The following CDC42BPB variants were observed in gnomAD, a reference collection of about 807,000 sequenced individuals.
CDC42BPB encodes serine/threonine-protein kinase MRCK beta.
A neutral mutation model predicts 214.9 loss-of-function variants in CDC42BPB; 37 were observed. The observed-to-expected ratio is 0.17, with a 90% CI of 0.13 to 0.23. The LOEUF is 0.23. Ranked by LOEUF, CDC42BPB falls within the 10% of genes least tolerant of loss-of-function variation. The probability of loss-of-function intolerance (pLI) is 1.00; values close to 1 mark genes in which losing one functional copy is unlikely to be tolerated. For missense variants in CDC42BPB, 1,694 were observed against 2,227.0 expected, an observed-to-expected ratio of 0.76 and a Z score of 4.82; for synonymous variants, 931 against 884.0, an observed-to-expected ratio of 1.05 and a Z score of -0.94.
At chr14:102,960,808 CTG>C (rs1892924187) in intron 20 of CDC42BPB, among the ~76,000 whole-genome samples, 1 of 152,082 alleles carries the variant, frequency 6.6e-6, no homozygotes, top group Non-Finnish European at 1.5e-5. Context: ...AAAGATAAAA[CTG>C]GATACACTCC....
intron 1 of CDC42BPB, chr14:103,041,637 C>T (rs1247182928): frequency 2.9e-6 from 2 of 688,776 alleles, no homozygotes; most frequent in East Asian, 2.8e-5. Context: ...TCCGGCCCAT[C>T]GTGTGGTGCC....
At position 102,954,474 on chromosome 14, in the gene CDC42BPB, G is replaced by A. The variant is rs1317894198; in HGVS notation, c.2988+128C>T. 15 of 1,397,950 alleles carry A rather than the reference G, an allele frequency of 1.1e-5. No homozygotes were observed. The East Asian group carries it at 3.8e-4, about 35-fold the overall frequency. The allele number at this position is 1,397,950 out of a possible 1,614,324, so 86.6% of individuals were successfully genotyped here. A position where few individuals can be genotyped will look rare whatever the true frequency, so the allele number is the denominator to read the frequency against. ...ACAGTTAATTCTCAAAATGAAAGGTGGGCTTGAGCACCTGGGCAGAGGCCC... is the reference window on the plus strand; with the variant it reads ...ACAGTTAATTCTCAAAATGAAAGGTAGGCTTGAGCACCTGGGCAGAGGCCC... On this transcript the variant is annotated intron_variant, in intron 22 of 36. Transcript: ENST00000361246.
At position 102,983,614 on chromosome 14, in the gene CDC42BPB, T is replaced by C; in HGVS notation, c.833A>G (p.Glu278Gly). 6.2e-7 allele frequency: 1 copy of C among 1,612,832 alleles called. No homozygotes were observed. The highest frequency in any genetic ancestry group is 8.5e-7 in the Non-Finnish European group (1 of 1,179,998). Reference sequence around the variant, plus strand: ...GAGTGACTCCGCATAAAACGGCGTTTCTCCATAGAGCATCTCATACATGCA... The same window carrying C: ...GAGTGACTCCGCATAAAACGGCGTTCCTCCATAGAGCATCTCATACATGCA... ...GVCMYEMLYG[E>G]TPFYAESLVE... The change falls in exon 7 of 37, where the codon GAA (glutamate) becomes GGA (glycine). Residue 278 changes from glutamate (E) to glycine (G), a missense_variant. By Grantham distance (98) the Glu-to-Gly change is moderately conservative. Around this residue, in one of 7 missense-constraint regions of CDC42BPB, gnomAD observed 225 missense variants for 459.3 expected, o/e 0.49. Coordinates refer to ENST00000361246, the MANE Select transcript of CDC42BPB (RefSeq NM_006035.4).
At chr14:102,934,067 A>T in intron 36 of CDC42BPB, 1 of 1,296,654 alleles carries the variant, frequency 7.7e-7, no homozygotes, top group Non-Finnish European at 9.8e-7. Flanking sequence ...ATAACATGGT[A>T]ATTATCATTA....
intron 27 of CDC42BPB, among the ~76,000 whole-genome samples, chr14:102,947,256 T>C (rs1036116251): frequency 6.6e-6 from 1 of 152,194 alleles, no homozygotes; most frequent in African/African-American, 2.4e-5. Flanking sequence ...GGAGGGTTTC[T>C]TTCCCCAATT....
chr14:102,992,357 G>C (rs1255472959), intron 5 of CDC42BPB, among the ~76,000 whole-genome samples: 1 of 152,182 alleles, frequency 6.6e-6, no homozygotes, highest in Admixed American at 6.5e-5. Flanking sequence ...GGATGTTTTT[G>C]CTGGGACCCA....
Position 102,983,744 on chromosome 14 carries a change from C to A in CDC42BPB, c.703G>T (p.Val235Leu), listed in dbSNP as rs1184748794. The change falls in exon 7 of 37, where the codon GTG becomes TTG. Residue 235 changes from valine to leucine, a missense_variant. Coordinates refer to ENST00000361246, the MANE Select transcript of CDC42BPB (RefSeq NM_006035.4). ...MNDDGTVQSS[V>L]AVGTPDYISP... ...ATGTAGTCAGGTGTGCCCACGGCCA[C>A]GGAGGACTGCACCTTAGGGGAGAAG... 1 of 1,612,896 alleles carries A rather than the reference C, an allele frequency of 6.2e-7. No homozygotes were observed. The highest frequency in any genetic ancestry group is 1.1e-5 in the South Asian group (1 of 91,072).
In CDC42BPB at chr14:103,033,795, A is replaced by G. The variant is rs930596883; in HGVS notation, c.176-21607T>C. On this transcript the variant is annotated intron_variant, in intron 1 of 36. Transcript: ENST00000361246. ...ATTAGTTTCCTTTTACAAATACCCA[A>G]AACAGGAAGATTGAATCGAAATCAC... Among the ~76,000 whole-genome samples, 3 of 152,172 alleles carry G rather than the reference A, an allele frequency of 2.0e-5. No homozygotes were observed. In the East Asian group the frequency reaches 5.8e-4, roughly 29 times the overall value.
chr14:103,057,103 G>A lies in CDC42BPB; in HGVS notation c.71C>T (p.Ala24Val), dbSNP rs1889028716. The change falls in exon 1 of 37, where the codon GCC becomes GTC. Residue 24 changes from alanine to valine, a missense_variant. Ala to Val is a moderately conservative substitution (Grantham distance 64). Around this residue, in one of 7 missense-constraint regions of CDC42BPB, gnomAD observed 83 missense variants for 79.9 expected, o/e 1.04. Transcript: ENST00000361246. ...LLDGPWRNES[A>V]LSVETLLDVL... Reference sequence around the variant, plus strand: ...GTCGAGCAGCGTTTCCACGCTCAGGGCGCTCTCGTTGCGCCAGGGCCCGTC... The same window carrying A: ...GTCGAGCAGCGTTTCCACGCTCAGGACGCTCTCGTTGCGCCAGGGCCCGTC... 2 of 1,524,798 alleles carry A rather than the reference G, an allele frequency of 1.3e-6. No homozygotes were observed. Among genetic ancestry groups the A allele is most frequent in the Non-Finnish European group, 1.8e-6 (2 of 1,141,084 alleles). The allele number at this position is 1,524,798 out of a possible 1,614,324, so 94.5% of individuals were successfully genotyped here.
At chr14:102,942,321 C>G (rs1201490136) in intron 30 of CDC42BPB, among the ~76,000 whole-genome samples, 1 of 152,180 alleles carries the variant, frequency 6.6e-6, no homozygotes, top group Non-Finnish European at 1.5e-5. Flanking sequence ...CCTCACAGGC[C>G]TGGTGTCTAG....
intron 1 of CDC42BPB, among the ~76,000 whole-genome samples, chr14:103,042,827 G>GCTGGTGGGAA (rs1888082775): frequency 6.6e-6 from 1 of 152,162 alleles, no homozygotes; most frequent in South Asian, 2.1e-4. Flanking sequence ...CTTGTGGGCT[G>GCTGGTGGGAA]CTGGTGGGAA....
intron 5 of CDC42BPB, among the ~76,000 whole-genome samples, chr14:102,988,275 A>G (rs1894338863): frequency 6.6e-6 from 1 of 152,080 alleles, no homozygotes; most frequent in South Asian, 2.1e-4. Flanking sequence ...CAACAGATGC[A>G]TAACTGGAGT....
chr14:102,991,319 GTCT>G (rs1484018255), intron 5 of CDC42BPB, among the ~76,000 whole-genome samples: 1 of 152,172 alleles, frequency 6.6e-6, no homozygotes, highest in Non-Finnish European at 1.5e-5. Flanking sequence ...AACCAAAGAA[GTCT>G]TCTACTGAAA....
chr14:103,054,064 C>T (rs1048089682), intron 1 of CDC42BPB, among the ~76,000 whole-genome samples: 1 of 152,018 alleles, frequency 6.6e-6, no homozygotes, highest in Non-Finnish European at 1.5e-5. Flanking sequence ...TGGGTTTTGT[C>T]AGGTTGCTCA....
At chr14:103,056,019 C>A (rs1888927147) in intron 1 of CDC42BPB, among the ~76,000 whole-genome samples, 1 of 152,168 alleles carries the variant, frequency 6.6e-6, no homozygotes, top group South Asian at 2.1e-4. Context: ...GACCGGCACA[C>A]CCGTTAGGGA....
chr14:102,958,948 C>T (rs575987391), intron 21 of CDC42BPB, among the ~76,000 whole-genome samples: 1 of 149,448 alleles, frequency 6.7e-6, no homozygotes, highest in East Asian at 2.1e-4. Context: ...GCTGGGATTA[C>T]AGGCGTGAGC....
Position 103,045,081 on chromosome 14 carries a change from T to C in CDC42BPB, c.175+11918A>G, listed in dbSNP as rs1204841901. ...AAATAAATAAATATTGAAAAATAAA[T>C]TCGGCTCACCAGTTTTTTAAACAAA... On this transcript the variant is annotated intron_variant, in intron 1 of 36. Coordinates refer to ENST00000361246, the MANE Select transcript of CDC42BPB (RefSeq NM_006035.4). Among the ~76,000 whole-genome samples, 5 of 151,876 alleles carry C rather than the reference T, an allele frequency of 3.3e-5. No homozygotes were observed. In the East Asian group the frequency reaches 9.7e-4, roughly 29 times the overall value.
chr14:103,045,293 G>T (rs1181719990), intron 1 of CDC42BPB, among the ~76,000 whole-genome samples: 1 of 152,134 alleles, frequency 6.6e-6, no homozygotes, highest in South Asian at 2.1e-4. Flanking sequence ...TTCTGCTCTG[G>T]TTTATTTTCA....
chr14:103,019,219 C>T (rs1168875096), intron 1 of CDC42BPB, among the ~76,000 whole-genome samples: 1 of 152,168 alleles, frequency 6.6e-6, no homozygotes, highest in Admixed American at 6.5e-5. Context: ...CAGGGGTGGG[C>T]TACCACACCT....
Sources: gnomAD v4.1 joint callset for allele counts (sites outside exome capture counted in the v4.1 genomes callset) on GRCh38, gnomAD v4.1.1 for gene constraint, gnomAD v4.1.1 regional missense constraint, MANE v1.5 for transcripts, NCBI Gene and HGNC (gene_info 2026-07-23, HGNC 2026-07-21) for gene names.